Variants in RIPOR3 observed in about 807,000 individuals in gnomAD.
RIPOR3 encodes RIPOR family member 3.
A neutral mutation model predicts 114.3 loss-of-function variants in RIPOR3; 95 were observed. The observed-to-expected ratio is 0.83, with a 90% CI of 0.70 to 0.99. RIPOR3 has a LOEUF of 0.99. Among genes scored for constraint, RIPOR3 ranks in the 50% least tolerant of loss-of-function variants. RIPOR3 has a pLI of 0.00. For missense variants in RIPOR3, 1,252 were observed against 1,266.9 expected (o/e 0.99, Z 0.18); for synonymous variants, 575 against 543.8 (o/e 1.06, Z -0.80).
chr20:50,638,251 G>A lies in RIPOR3; in HGVS notation c.4-7395C>T, dbSNP rs1194315858. Among the ~76,000 whole-genome samples the A allele has an allele frequency of 3.9e-5, 6 of 152,198 alleles. No homozygotes were observed. The East Asian group carries it at 5.8e-4, about 15-fold the overall frequency. The stretch of plus-strand genomic sequence containing the variant: ...TTGTGATTTAAGAGAAGAACAAGCA[G>A]CTCCTTGGGAAGCCCCAGTGTCCCC... On this transcript the variant is annotated intron_variant, in intron 1 of 21. Coordinates refer to ENST00000327979, the MANE Select transcript of RIPOR3 (RefSeq NM_001290268.2).
chr20:50,609,271 C>T, intron 8 of RIPOR3, 22 bp downstream of exon 8: 5 of 1,612,228 alleles, frequency 3.1e-6, no homozygotes, highest in Non-Finnish European at 4.2e-6. Context: ...GGCCTCCGCC[C>T]ACCCCCTCTC....
chr20:50,593,130 T>G lies in RIPOR3; in HGVS notation c.2279A>C (p.Glu760Ala), dbSNP rs767888013. 8 of 1,613,896 alleles carry G rather than the reference T, an allele frequency of 5.0e-6. No homozygotes were observed. The highest frequency in any genetic ancestry group is 4.2e-6 in the Non-Finnish European group (5 of 1,180,038). The stretch of plus-strand genomic sequence containing the variant: ...CTGGAACCAGGTAATGATCTGTTCT[T>G]CTGGGAGCCCAGCTCCGGGGAGCAG... ...GGLLPGAGLP[E>A]EQIITWFQFH... The change falls in exon 18 of 22, where the codon GAA (glutamate) becomes GCA (alanine). Residue 760 changes from glutamate to alanine, a missense_variant. Transcript: ENST00000327979.
At position 50,672,880 on chromosome 20, in the gene RIPOR3, A is replaced by T. The variant is rs1050464899; in HGVS notation, c.3+18246T>A. On this transcript the variant is annotated intron_variant, in intron 1 of 21. Transcript: ENST00000327979. ...CATGTGAGCAGAAGGGGATGTGAAG[A>T]CAGATCCTTGATGTCCACAGGTGCG... Among the ~76,000 whole-genome samples the T allele has an allele frequency of 2.0e-5, 3 of 152,206 alleles. No homozygotes were observed. In the South Asian group the frequency reaches 6.2e-4, roughly 31 times the overall value.
intron 4 of RIPOR3, among the ~76,000 whole-genome samples, chr20:50,614,968 A>T (rs574426469): frequency 6.2e-4 from 95 of 152,042 alleles, no homozygotes; most frequent in African/African-American, 2.3e-3. Context: ...GAGGCAGGAC[A>T]ATCGCTTGAA....
At chr20:50,588,340 C>T (rs941946275) in intron 20 of RIPOR3, among the ~76,000 whole-genome samples, 2 of 152,264 alleles carry the variant, frequency 1.3e-5, no homozygotes, top group African/African-American at 4.8e-5. Flanking sequence ...GGCACCTGGC[C>T]CTCGCTGGTT....
intron 4 of RIPOR3, among the ~76,000 whole-genome samples, chr20:50,612,874 C>T (rs777744652): frequency 1.7e-4 from 26 of 152,198 alleles, no homozygotes; most frequent in Admixed American, 6.5e-5. Context: ...AGGAGGATCA[C>T]CTGAGCCCAG....
intron 1 of RIPOR3, among the ~76,000 whole-genome samples, chr20:50,665,420 C>CTTTTTTT: frequency 2.2e-5 from 1 of 45,808 alleles, no homozygotes; most frequent in Middle Eastern, 0.015. Flanking sequence ...GCCCCCTCTT[C>CTTTTTTT]CTTTTTTTTT....
chr20:50,597,379 C>G, intron 14 of RIPOR3: 1 of 701,724 alleles, frequency 1.4e-6, no homozygotes, highest in East Asian at 2.8e-5. Context: ...ATCTCACCCA[C>G]TTCGTGGTCT....
intron 20 of RIPOR3, among the ~76,000 whole-genome samples, chr20:50,588,215 C>T (rs1049813609): frequency 3.9e-5 from 6 of 152,250 alleles, no homozygotes; most frequent in African/African-American, 1.2e-4. Flanking sequence ...CCCTCACGCT[C>T]TCCTTGCCCT....
At position 50,587,330 on chromosome 20, in the gene RIPOR3, C is replaced by T; in HGVS notation, c.2755G>A (p.Glu919Lys). The change falls in exon 22 of 22, where the codon GAA becomes AAA. Residue 919 changes from glutamate to lysine, a missense_variant and splice_region_variant. Physicochemically the swap from Glu to Lys is moderately conservative, Grantham distance 56. Coordinates refer to ENST00000327979, the MANE Select transcript of RIPOR3 (RefSeq NM_001290268.2). ...TTCTCAAAAGCTAACCGTCCTTTTTCACCTGAAATAGCAAAGGGACCTGTC... is the reference window on the plus strand; with the variant it reads ...TTCTCAAAAGCTAACCGTCCTTTTTTACCTGAAATAGCAAAGGGACCTGTC... Reference protein sequence around the residue: ...AARETTLSFGEKGRLAFEKMD... With the variant: ...AARETTLSFGKKGRLAFEKMD... The T allele has an allele frequency of 1.9e-6, 3 of 1,613,850 alleles. No individual in the cohort carries two copies. Among genetic ancestry groups the T allele is most frequent in the Non-Finnish European group, 2.5e-6 (3 of 1,179,924 alleles).
At chr20:50,636,765 T>A in intron 1 of RIPOR3, 1 of 985,268 alleles carries the variant, frequency 1.0e-6, no homozygotes, top group Non-Finnish European at 1.2e-6. Flanking sequence ...GGAAGCAGAG[T>A]CTACTCCCGC....
chr20:50,644,710 C>T (rs2085337755), intron 1 of RIPOR3, among the ~76,000 whole-genome samples: 1 of 106,856 alleles, frequency 9.4e-6, no homozygotes, highest in Admixed American at 1.4e-4. Context: ...TTTGTAGAGA[C>T]GGAGTTTCAC....
chr20:50,599,490 A>G (rs1360098343), intron 13 of RIPOR3, among the ~76,000 whole-genome samples: 1 of 152,166 alleles, frequency 6.6e-6, no homozygotes, highest in East Asian at 1.9e-4. Flanking sequence ...CTCATCTAAC[A>G]CACATTTTCT....
chr20:50,616,220 C>CCT, intron 3 of RIPOR3, 140 bp from the exon 4 acceptor site: 2 of 755,884 alleles, frequency 2.6e-6, no homozygotes, highest in Non-Finnish European at 4.3e-6. Flanking sequence ...AGCCAGGCTC[C>CCT]CTCACACTGG....
chr20:50,651,643 C>T (rs1330408722), intron 1 of RIPOR3, among the ~76,000 whole-genome samples: 1 of 152,204 alleles, frequency 6.6e-6, no homozygotes, highest in Non-Finnish European at 1.5e-5. Flanking sequence ...CTCCCTTCCT[C>T]ACCTCTTATA....
chr20:50,594,460 C>T lies in RIPOR3; in HGVS notation c.2212+93G>A. ...TGAAGACACAGAGGTGAAGACAGGG[C>T]TGAAATGAGGCCAGCTGTGGCCACC... On this transcript the variant is annotated intron_variant, in intron 17 of 21. Coordinates refer to ENST00000327979, the MANE Select transcript of RIPOR3 (RefSeq NM_001290268.2). 2.8e-6 allele frequency: 4 copies of T among 1,438,694 alleles called. No homozygotes were observed. In the South Asian group the frequency reaches 3.9e-5, roughly 14 times the overall value. The allele number at this position is 1,438,694 out of a possible 1,614,324, so 89.1% of individuals were successfully genotyped here. A position where few individuals can be genotyped will look rare whatever the true frequency, so the allele number is the denominator to read the frequency against.
chr20:50,621,211 C>G, intron 2 of RIPOR3: 1 of 331,728 alleles, frequency 3.0e-6, no homozygotes, highest in Non-Finnish European at 5.8e-6. Flanking sequence ...TGCCAATGCT[C>G]TCTGATCACC....
chr20:50,626,385 G>A (rs113491562), intron 2 of RIPOR3, among the ~76,000 whole-genome samples: 17 of 152,344 alleles, frequency 1.1e-4, no homozygotes, highest in African/African-American at 3.8e-4. Context: ...AGATATTAGA[G>A]CCATCAGGGC....
At chr20:50,663,927 T>C (rs796197450) in intron 1 of RIPOR3, among the ~76,000 whole-genome samples, 36 of 15,984 alleles carry the variant, frequency 2.3e-3, no homozygotes, top group African/African-American at 4.6e-3. Flanking sequence ...CTCTCTCTCT[T>C]TTTTTTTTTT....
Sources: allele counts gnomAD v4.1 joint callset (sites outside exome capture counted in the v4.1 genomes callset), GRCh38; gene constraint gnomAD v4.1.1; transcripts MANE v1.5; gene names NCBI Gene and HGNC (gene_info 2026-07-23, HGNC 2026-07-21).